Variants in KRABD2 observed in about 807,000 individuals in gnomAD.
The protein encoded by KRABD2 is KRAB domain-containing protein 2.
At chr17:8,362,252 C>T in the KRABD2 span, among the ~76,000 whole-genome samples, 2 of 151,966 alleles carry the variant, frequency 1.3e-5, no homozygotes, top group Admixed American at 6.6e-5. The surrounding 1 kb of genome is among the most constrained non-coding windows in gnomAD (Gnocchi z 4.2). Context: ...ATGGCGTGAA[C>T]CCGGGAGGTG....
At chr17:8,370,401 A>G in the KRABD2 span, 1 of 1,502,292 alleles carries the variant, frequency 6.7e-7, no homozygotes, top group African/African-American at 1.4e-5. Flanking sequence ...GAAAGGAAGA[A>G]AAGAGAACAA....
chr17:8,375,852 G>T, the KRABD2 span: 1 of 1,209,582 alleles, frequency 8.3e-7, no homozygotes, highest in Non-Finnish European at 1.0e-6. Context: ...GAGTTGGTCA[G>T]AGAAAACTGG....
At chr17:8,369,061 G>A in the KRABD2 span, 1 of 1,522,230 alleles carries the variant, frequency 6.6e-7, no homozygotes, top group South Asian at 1.3e-5. Flanking sequence ...TTTCCTCTGG[G>A]GCCTCTGGCA....
At chr17:8,359,371 G>T in the KRABD2 span, 1 of 355,722 alleles carries the variant, frequency 2.8e-6, no homozygotes, top group African/African-American at 2.1e-5. Flanking sequence ...GATGGAGAAT[G>T]TTCAGCAGTG....
At chr17:8,365,998 G>A in the KRABD2 span, among the ~76,000 whole-genome samples, 1 of 151,814 alleles carries the variant, frequency 6.6e-6, no homozygotes, top group South Asian at 2.1e-4. Flanking sequence ...GTGGTTGGCG[G>A]GCGCCTGTAA....
At chr17:8,367,755 C>T in the KRABD2 span, among the ~76,000 whole-genome samples, 1 of 151,376 alleles carries the variant, frequency 6.6e-6, no homozygotes, top group Non-Finnish European at 1.5e-5. Context: ...TCCCTGGGTA[C>T]TTGAGATTAG....
At chr17:8,371,318 C>A in the KRABD2 span, 1 of 1,607,756 alleles carries the variant, frequency 6.2e-7, no homozygotes, top group Non-Finnish European at 8.5e-7. Context: ...CCCTGTGGGA[C>A]CGTGTTCTCA....
the KRABD2 span, among the ~76,000 whole-genome samples, chr17:8,360,340 T>C: frequency 7.3e-3 from 1,110 of 151,994 alleles, 8 homozygotes; most frequent in Non-Finnish European, 0.013. Context: ...AAGAAAAATA[T>C]GATTCTAAAA....
At chr17:8,367,535 C>T in the KRABD2 span, among the ~76,000 whole-genome samples, 998 of 146,944 alleles carry the variant, frequency 6.8e-3, 18 homozygotes, top group African/African-American at 0.024. Flanking sequence ...TGGCAGTGCA[C>T]GCCTGTAGTC....
chr17:8,359,632 A>C, the KRABD2 span: 7 of 456,014 alleles, frequency 1.5e-5, no homozygotes, highest in Admixed American at 1.2e-4. Flanking sequence ...CCAGAATGAC[A>C]GTGGATTTCA....
the KRABD2 span, among the ~76,000 whole-genome samples, chr17:8,373,976 C>T: frequency 6.6e-6 from 1 of 151,926 alleles, no homozygotes; most frequent in East Asian, 1.9e-4. Context: ...CTCCACCCTG[C>T]AGCCGCCCCA....
the KRABD2 span, among the ~76,000 whole-genome samples, chr17:8,363,919 A>C: frequency 2.7e-5 from 4 of 146,502 alleles, no homozygotes; most frequent in Non-Finnish European, 4.5e-5. Context: ...CCCAGGCTGG[A>C]GTGCAGTAGT....
At chr17:8,370,390 A>G in the KRABD2 span, 1 of 1,531,940 alleles carries the variant, frequency 6.5e-7, no homozygotes, top group Non-Finnish European at 8.8e-7. Context: ...AAGGATCCTA[A>G]GAAAGGAAGA....
At chr17:8,361,740 C>T in the KRABD2 span, among the ~76,000 whole-genome samples, 1 of 152,080 alleles carries the variant, frequency 6.6e-6, no homozygotes, top group Non-Finnish European at 1.5e-5. Context: ...CACTATGTTG[C>T]CCAGGCTGGT....
the KRABD2 span, among the ~76,000 whole-genome samples, chr17:8,374,113 C>T: frequency 2.0e-5 from 3 of 152,240 alleles, no homozygotes; most frequent in South Asian, 4.1e-4. Flanking sequence ...GCCGCCACCC[C>T]GTCTGGGAGG....
the KRABD2 span, among the ~76,000 whole-genome samples, chr17:8,371,129 C>G: frequency 6.6e-6 from 1 of 152,054 alleles, no homozygotes; most frequent in Admixed American, 6.6e-5. Context: ...GAGATTATAC[C>G]ACTGCACTCC....
chr17:8,371,275 A>C, the KRABD2 span: 1 of 1,513,532 alleles, frequency 6.6e-7, no homozygotes, highest in Non-Finnish European at 9.1e-7. Flanking sequence ...ACAATTGTCC[A>C]CAAGATTAAT....
At chr17:8,376,372 C>A in the KRABD2 span, 1 of 1,191,300 alleles carries the variant, frequency 8.4e-7, no homozygotes, top group South Asian at 4.3e-5. Flanking sequence ...GTACCCATCA[C>A]AATCGATTGC....
At chr17:8,360,888 C>T in the KRABD2 span, among the ~76,000 whole-genome samples, 1 of 152,162 alleles carries the variant, frequency 6.6e-6, no homozygotes, top group Non-Finnish European at 1.5e-5. Flanking sequence ...GCAAACCATA[C>T]TTCAATGGTC....
Sources: gnomAD v4.1 joint callset for allele counts (sites outside exome capture counted in the v4.1 genomes callset) on GRCh38, gnomAD v4.1.1 for gene constraint, Gnocchi (gnomAD v3.1) non-coding constraint, MANE v1.5 for transcripts, NCBI Gene and HGNC (gene_info 2026-07-23, HGNC 2026-07-21) for gene names.